GNB1L: variants seen among roughly 807,000 people sequenced by gnomAD.
The protein encoded by GNB1L is guanine nucleotide-binding protein subunit beta-like protein 1.
Under a neutral mutation model 29.1 loss-of-function variants are expected in GNB1L, and 20 were observed. The observed-to-expected ratio is 0.69, with a 90% CI of 0.48 to 1.00. The LOEUF (loss-of-function observed/expected upper bound fraction) is 1.00. Among genes scored for constraint, GNB1L ranks in the 50% least tolerant of loss-of-function variants. GNB1L has a pLI of 0.00. For missense variants in GNB1L, 421 were observed against 464.9 expected (o/e 0.91, Z 0.87); for synonymous variants, 193 against 206.5 (o/e 0.93, Z 0.56).
rs752105927 is a variant in GNB1L, at chr22:19,821,390, A to G, written c.-20-15T>C. The G allele has an allele frequency of 3.7e-6, 6 of 1,606,850 alleles. No individual in the cohort carries two copies. The highest frequency in any genetic ancestry group is 5.1e-6 in the Non-Finnish European group (6 of 1,177,986). On this transcript the variant is annotated splice_polypyrimidine_tract_variant and intron_variant, in intron 2 of 7. Transcript: ENST00000329517. ...GATGCAGTTACCTGGGCACCAAGGGAGGGCGTGTGAGTGACTGCGTCCCTA... is the reference window on the plus strand; with the variant it reads ...GATGCAGTTACCTGGGCACCAAGGGGGGGCGTGTGAGTGACTGCGTCCCTA...
intron 5 of GNB1L, among the ~76,000 whole-genome samples, chr22:19,807,538 C>T (rs1937450447): frequency 6.6e-6 from 1 of 152,220 alleles, no homozygotes; most frequent in South Asian, 2.1e-4. Context: ...ATTCTATCTC[C>T]TCTGTCTGCT....
chr22:19,837,705 C>G (rs971194223), intron 2 of GNB1L, among the ~76,000 whole-genome samples: 1 of 152,222 alleles, frequency 6.6e-6, no homozygotes, highest in African/African-American at 2.4e-5. Flanking sequence ...CAGTCACATA[C>G]TGGAGACAAC....
At chr22:19,848,122 C>A in intron 2 of GNB1L, 1 of 984,610 alleles carries the variant, frequency 1.0e-6, no homozygotes, top group Non-Finnish European at 1.2e-6. Context: ...AGGACCTTAT[C>A]CTTAGTACTT....
chr22:19,822,904 C>T (rs947519145), intron 2 of GNB1L, among the ~76,000 whole-genome samples: 4 of 152,222 alleles, frequency 2.6e-5, no homozygotes, highest in African/African-American at 9.6e-5. Flanking sequence ...CCAGCCCTCT[C>T]CTTACTCTAT....
chr22:19,815,108 C>A lies in GNB1L; in HGVS notation c.255-2661G>T, dbSNP rs115304192. Among the ~76,000 whole-genome samples, 1,345 of 151,892 alleles carry A rather than the reference C, an allele frequency of 8.9e-3. 19 individuals are homozygous for A. Among genetic ancestry groups the A allele is most frequent in the Middle Eastern group, 0.031 (9 of 292 alleles). ...CACACACCAAAAGGGACTAAGGAGA[C>A]GTGACAGCTCAGAGGATCCCGGAGC... On this transcript the variant is annotated intron_variant, in intron 4 of 7. Transcript: ENST00000329517.
intron 2 of GNB1L, chr22:19,852,447 G>A: frequency 1.6e-6 from 1 of 627,124 alleles, no homozygotes; most frequent in Non-Finnish European, 2.8e-6. Context: ...GCTGAGAAGA[G>A]CTGAGAGACT....
Position 19,787,899 on chromosome 22 carries a change from G to C in GNB1L, c.*810C>G, listed in dbSNP as rs1273834899. The C allele has an allele frequency of 6.6e-6, 1 of 152,598 alleles. No individual in the cohort carries two copies. The highest frequency in any genetic ancestry group is 1.5e-5 in the Non-Finnish European group (1 of 68,328). 9.5% of individuals were successfully genotyped at this position (152,598 alleles called of 1,614,324 possible). ...TGTGTTGTGCCCTGGGGGCCACCCT[G>C]TGTGCAGCCGCAGCTGTGACTGTGG... is the stretch of plus-strand genomic sequence containing the variant. On this transcript the variant is annotated 3_prime_UTR_variant, in exon 8 of 8. Transcript: ENST00000329517.
At chr22:19,848,721 C>A (rs576763638) in intron 2 of GNB1L, 506 of 985,516 alleles carry the variant, frequency 5.1e-4, no homozygotes, top group Non-Finnish European at 5.9e-4. Flanking sequence ...ACACGGCAGA[C>A]CATAACTCAC....
At chr22:19,836,391 T>TA (rs1555902351) in intron 2 of GNB1L, among the ~76,000 whole-genome samples, 1 of 79,678 alleles carries the variant, frequency 1.3e-5, no homozygotes, top group East Asian at 3.6e-4. Flanking sequence ...TTTAAATCCT[T>TA]GGGGAAAAAA....
intron 2 of GNB1L, among the ~76,000 whole-genome samples, chr22:19,837,668 A>T (rs528563546): frequency 6.6e-6 from 1 of 152,360 alleles, no homozygotes; most frequent in South Asian, 2.1e-4. Context: ...CCCCTTGGGA[A>T]CAAAGTTTGG....
chr22:19,804,838 A>AT (rs1937414494), intron 6 of GNB1L, among the ~76,000 whole-genome samples: 1 of 152,040 alleles, frequency 6.6e-6, no homozygotes, highest in South Asian at 2.1e-4. Flanking sequence ...CTTTCTACGC[A>AT]TTTTTCTGTT....
At chr22:19,846,618 T>TAGGGGTTAGGACTTG in intron 2 of GNB1L, 1 of 910,050 alleles carries the variant, frequency 1.1e-6, no homozygotes, top group Middle Eastern at 5.6e-4. Context: ...GTTCAAGTCC[T>TAGGGGTTAGGACTTG]AACCCCTAGT....
At chr22:19,848,910 G>A in intron 2 of GNB1L, 4 of 985,084 alleles carry the variant, frequency 4.1e-6, no homozygotes, top group Non-Finnish European at 4.8e-6. Flanking sequence ...TCAGCTGGGT[G>A]ACTAGGCTGT....
rs1938007852 is a variant in GNB1L, at chr22:19,848,056, G to A, written c.-21+6387C>T. ...AAAGTCCTCTATTCTCTGCTCATCT[G>A]TCCACATCTAAGTGCTTTAACTATT... is the stretch of plus-strand genomic sequence containing the variant. On this transcript the variant is annotated intron_variant, in intron 2 of 7. Transcript: ENST00000329517. The A allele has an allele frequency of 3.0e-6, 3 of 985,174 alleles. No homozygotes were observed. The South Asian group carries it at 1.4e-4, about 46-fold the overall frequency. 61.0% of individuals were successfully genotyped at this position (985,174 alleles called of 1,614,324 possible).
chr22:19,820,618 G>A lies in GNB1L; in HGVS notation c.234C>T (p.Pro78=), dbSNP rs1209499212. The change falls in exon 4 of 8, where the codon CCC becomes CCT. Residue 78 remains proline, a synonymous_variant. Coordinates refer to ENST00000329517, the MANE Select transcript of GNB1L (RefSeq NM_053004.3). ...CCCACCTGAGGAGCTGGCGCCCCTG[G>A]GGCAGCGTCTGCAGCCAGGTCACAC... ...GQCVTWLQTL[P]QGRQLLSQGR... 2.5e-6 allele frequency: 4 copies of A among 1,612,256 alleles called. No individual in the cohort carries two copies. Among genetic ancestry groups the A allele is most frequent in the Non-Finnish European group, 3.4e-6 (4 of 1,179,550 alleles).
intron 2 of GNB1L, among the ~76,000 whole-genome samples, chr22:19,838,741 G>C (rs545489565): frequency 6.6e-6 from 1 of 152,328 alleles, no homozygotes; most frequent in South Asian, 2.1e-4. Context: ...TTACAGGCAT[G>C]AACCACTGTG....
chr22:19,848,083 T>C (rs1272586820), intron 2 of GNB1L: 12 of 985,270 alleles, frequency 1.2e-5, no homozygotes, highest in Middle Eastern at 5.2e-4. Flanking sequence ...TTAACTATTG[T>C]GGCTTTATAA....
intron 6 of GNB1L, among the ~76,000 whole-genome samples, chr22:19,803,369 T>C (rs1375093665): frequency 6.6e-6 from 1 of 152,164 alleles, no homozygotes; most frequent in African/African-American, 2.4e-5. Context: ...GTGTGTCTTC[T>C]CCCGGGGCAC....
Position 19,821,215 on chromosome 22 carries a change from C to A in GNB1L, c.128+13G>T, listed in dbSNP as rs767672806. The A allele has an allele frequency of 8.7e-6, 14 of 1,604,290 alleles. No individual in the cohort carries two copies. The South Asian group carries it at 1.5e-4, about 18-fold the overall frequency. On this transcript the variant is annotated intron_variant, in intron 3 of 7. Coordinates refer to ENST00000329517, the MANE Select transcript of GNB1L (RefSeq NM_053004.3). ...GCCCTGGGTGGCCTGGGGCTGGGGC[C>A]ACAGCTACTCACCCTGAGAAGAGGA...
Sources: allele counts gnomAD v4.1 joint callset (sites outside exome capture counted in the v4.1 genomes callset), GRCh38; gene constraint gnomAD v4.1.1; transcripts MANE v1.5; gene names NCBI Gene and HGNC (gene_info 2026-07-23, HGNC 2026-07-21).